Variants in CNKSR2 observed in about 807,000 individuals in gnomAD.
The protein encoded by CNKSR2 is CNK homolog protein 2.
In CNKSR2, 14 loss-of-function variants were observed where a neutral mutation model predicts 84.4. That is an observed-to-expected ratio of 0.17 (90% confidence interval 0.11 to 0.26). The LOEUF (loss-of-function observed/expected upper bound fraction) is 0.26. CNKSR2 is among the 10% of genes least tolerant of loss of function. The pLI is 1.00. For missense variants in CNKSR2, 485 were observed against 771.2 expected (o/e 0.63, Z 4.40); for synonymous variants, 275 against 277.9 (o/e 0.99, Z 0.10).
At chrX:21,474,796 G>A (rs1304439916) in intron 5 of CNKSR2, among the ~76,000 whole-genome samples, 1 of 111,761 alleles carries the variant, frequency 8.9e-6, no homozygotes, top group Non-Finnish European at 1.9e-5. Flanking sequence ...ATCAAGATTT[G>A]CATAACTCAC....
At chrX:21,445,347 G>A (rs903747242) in intron 4 of CNKSR2, among the ~76,000 whole-genome samples, 2 of 111,049 alleles carry the variant, frequency 1.8e-5, no homozygotes, top group Non-Finnish European at 3.8e-5. Flanking sequence ...TATTTATGGA[G>A]TACAGAGTCA....
intron 13 of CNKSR2, among the ~76,000 whole-genome samples, chrX:21,583,183 C>G (rs2092363710): frequency 9.0e-6 from 1 of 111,498 alleles, no homozygotes; most frequent in African/African-American, 3.3e-5. Context: ...GCTACCTCAT[C>G]CCACTCTAAT....
chrX:21,594,608 T>C (rs1196305989), intron 15 of CNKSR2: 1 of 117,676 alleles, frequency 8.5e-6, no homozygotes, highest in African/African-American at 3.2e-5. Context: ...AAATAGAAAA[T>C]TGTGAATTAC....
At position 21,376,778 on chromosome X, in the gene CNKSR2, A is replaced by G. The variant is rs757972651; in HGVS notation, c.64+1817A>G. On this transcript the variant is annotated intron_variant, in intron 1 of 21. Transcript: ENST00000379510. ...GCTCCATGGGAGTCTGATTACCTTC[A>G]TAGACTACCTTTCGCAAATTCCCAT... 5.4e-5 allele frequency among the ~76,000 whole-genome samples: 6 copies of G among 112,112 alleles called. No homozygotes were observed. In the East Asian group the frequency reaches 1.7e-3, roughly 31 times the overall value.
chrX:21,419,499 T>A (rs929828783), intron 1 of CNKSR2, among the ~76,000 whole-genome samples: 2 of 110,950 alleles, frequency 1.8e-5, no homozygotes, highest in Non-Finnish European at 3.8e-5. Flanking sequence ...GTTAGGAATT[T>A]ATTAGAGTTT....
intron 11 of CNKSR2, among the ~76,000 whole-genome samples, chrX:21,548,082 G>A (rs1327374023): frequency 8.9e-6 from 1 of 111,861 alleles, no homozygotes; most frequent in Admixed American, 9.5e-5. Flanking sequence ...TAAGATCAGA[G>A]CAGAACTGAA....
At chrX:21,488,666 T>G (rs1176290039) in intron 5 of CNKSR2, among the ~76,000 whole-genome samples, 1 of 111,648 alleles carries the variant, frequency 9.0e-6, no homozygotes, top group African/African-American at 3.3e-5. Flanking sequence ...AGTGAGGCCA[T>G]GGACCAAGGA....
Position 21,374,627 on chromosome X carries a change from A to AGCCGCCGCCGCCGCCGCC in CNKSR2, c.-269_-268insCGCCGCCGCCGCCGCCGC. 1 of 493,890 alleles carries AGCCGCCGCCGCCGCCGCC rather than the reference A, an allele frequency of 2.0e-6. No individual in the cohort carries two copies. The highest frequency in any genetic ancestry group is 3.5e-6 in the Non-Finnish European group (1 of 282,049). The allele number at this position is 493,890 out of a possible 1,213,427, so 40.7% of individuals were successfully genotyped here. A position where few individuals can be genotyped will look rare whatever the true frequency, so the allele number is the denominator to read the frequency against. ...CAGCAGCAGCAGCAGCAGCAGCAGC[A>AGCCGCCGCCGCCGCCGCC]GCAGCCGCCGCCGCCGCCGCCTTAG... On this transcript the variant is annotated 5_prime_UTR_variant, in exon 1 of 22. Coordinates refer to ENST00000379510, the MANE Select transcript of CNKSR2 (RefSeq NM_014927.5).
At chrX:21,411,783 C>T (rs182606902) in intron 1 of CNKSR2, among the ~76,000 whole-genome samples, 54 of 110,902 alleles carry the variant, frequency 4.9e-4, no homozygotes, top group African/African-American at 1.7e-3. Context: ...TACTTTCCTT[C>T]AATTACTTGT....
chrX:21,503,639 A>G (rs1014621326), intron 8 of CNKSR2: 2 of 136,853 alleles, frequency 1.5e-5, no homozygotes, highest in Non-Finnish European at 2.9e-5. Context: ...AAGAATCCTA[A>G]CAAGCATGTA....
At chrX:21,463,560 T>C (rs1370263911) in intron 4 of CNKSR2, among the ~76,000 whole-genome samples, 1 of 111,217 alleles carries the variant, frequency 9.0e-6, no homozygotes, top group Non-Finnish European at 1.9e-5. Context: ...TTTTGGCAGG[T>C]TGTGTGTGTC....
At chrX:21,529,712 A>G (rs1240044235) in intron 10 of CNKSR2, among the ~76,000 whole-genome samples, 1 of 110,927 alleles carries the variant, frequency 9.0e-6, no homozygotes, top group Non-Finnish European at 1.9e-5. Context: ...ACACACATTT[A>G]CATACACAAT....
chrX:21,398,571 A>G (rs773444974), intron 1 of CNKSR2, among the ~76,000 whole-genome samples: 1 of 112,067 alleles, frequency 8.9e-6, no homozygotes, highest in Admixed American at 9.5e-5. Flanking sequence ...AGATAAAATA[A>G]CACTTCCTGC....
At chrX:21,594,124 T>C (rs778469334) in intron 15 of CNKSR2, 1 of 112,144 alleles carries the variant, frequency 8.9e-6, no homozygotes, top group Non-Finnish European at 1.9e-5. Context: ...ATATACACCA[T>C]GGAATACTAC....
chrX:21,563,276 G>A lies in CNKSR2; in HGVS notation c.1432G>A (p.Ala478Thr), dbSNP rs376909898. 3 of 1,209,358 alleles carry A rather than the reference G, an allele frequency of 2.5e-6. No individual in the cohort carries two copies. Among genetic ancestry groups the A allele is most frequent in the Non-Finnish European group, 3.4e-6 (3 of 893,992 alleles). ...LLRYMSNEKI[A>T]QEEYMFQRNS... ...TCGGTATATGAGCAATGAAAAGATT[G>A]CTCAAGAAGAATACATGTTTCAGAG... Residue 478 changes from alanine to threonine, a missense_variant, in exon 13 of 22, where the codon GCT (alanine) becomes ACT (threonine). Ala to Thr is a moderately conservative substitution (Grantham distance 58, BLOSUM62 0). Coordinates refer to ENST00000379510, the MANE Select transcript of CNKSR2 (RefSeq NM_014927.5).
chrX:21,546,985 T>A (rs1754540288), intron 11 of CNKSR2, among the ~76,000 whole-genome samples: 1 of 111,911 alleles, frequency 8.9e-6, no homozygotes, highest in Non-Finnish European at 1.9e-5. Context: ...ATACAAATTG[T>A]AAAGACCATC....
chrX:21,384,159 A>G (rs2146950758), intron 1 of CNKSR2, among the ~76,000 whole-genome samples: 1 of 112,095 alleles, frequency 8.9e-6, no homozygotes, highest in East Asian at 2.8e-4. Context: ...ACAGACATAT[A>G]GTAGTCCAGT....
chrX:21,415,016 T>C (rs1266233604), intron 1 of CNKSR2, among the ~76,000 whole-genome samples: 3 of 112,135 alleles, frequency 2.7e-5, no homozygotes, highest in Non-Finnish European at 5.6e-5. Context: ...TTGCTTAGGA[T>C]AGCTTTGGCT....
At chrX:21,493,707 A>G (rs1168687406) in intron 6 of CNKSR2, 1 of 111,081 alleles carries the variant, frequency 9.0e-6, no homozygotes, top group African/African-American at 3.3e-5. Flanking sequence ...ATTTCTCTGG[A>G]CCCTTTCTTA....
Sources: allele counts gnomAD v4.1 joint callset (sites outside exome capture counted in the v4.1 genomes callset), GRCh38; gene constraint gnomAD v4.1.1; transcripts MANE v1.5; gene names NCBI Gene and HGNC (gene_info 2026-07-23, HGNC 2026-07-21).